The following GRM5 variants were observed in gnomAD, a reference collection of about 807,000 sequenced individuals.
GRM5 encodes the protein metabotropic glutamate receptor 5.
Under a neutral mutation model 83.1 loss-of-function variants are expected in GRM5, and 19 were observed. The ratio of observed to expected loss-of-function variants is 0.23; its 90% confidence interval spans 0.16 to 0.34. GRM5 has a LOEUF of 0.34. Among genes scored for constraint, GRM5 ranks in the 10% least tolerant of loss-of-function variants. GRM5 has a pLI of 1.00. For missense variants in GRM5, 1,160 were observed against 1,588.3 expected (o/e 0.73, Z 4.58); for synonymous variants, 675 against 633.6 (o/e 1.07, Z -0.98).
intron 2 of GRM5, among the ~76,000 whole-genome samples, chr11:88,915,551 C>T (rs895208839): frequency 2.7e-5 from 4 of 147,156 alleles, no homozygotes; most frequent in Admixed American, 1.4e-4. Context: ...AATTTTCTTG[C>T]AAAGGTCATA....
chr11:88,764,593 TC>T (rs1324330061), intron 3 of GRM5, among the ~76,000 whole-genome samples: 8 of 104,858 alleles, frequency 7.6e-5, no homozygotes, highest in Non-Finnish European at 1.5e-4. Flanking sequence ...AAATAACCAT[TC>T]TTAGACAATA....
At chr11:88,623,995 A>G (rs963117802) in intron 4 of GRM5, among the ~76,000 whole-genome samples, 1 of 152,192 alleles carries the variant, frequency 6.6e-6, no homozygotes, top group African/African-American at 2.4e-5. Flanking sequence ...TGGAAAAGCA[A>G]CCTACAGTCA....
chr11:88,577,011 C>G (rs1943125583), intron 7 of GRM5, among the ~76,000 whole-genome samples: 1 of 152,088 alleles, frequency 6.6e-6, no homozygotes, highest in Non-Finnish European at 1.5e-5. Flanking sequence ...GGTCATCCAT[C>G]CAAATGTTCA....
At chr11:88,924,502 C>T (rs1045994493) in intron 2 of GRM5, among the ~76,000 whole-genome samples, 1 of 151,934 alleles carries the variant, frequency 6.6e-6, no homozygotes, top group African/African-American at 2.4e-5. Context: ...CCATTTGCAA[C>T]AATATAATGA....
chr11:88,534,700 G>A (rs1591329761), intron 8 of GRM5, among the ~76,000 whole-genome samples: 1 of 152,158 alleles, frequency 6.6e-6, no homozygotes, highest in African/African-American at 2.4e-5. Context: ...GGCATGATTG[G>A]TTTTGAAATG....
chr11:88,928,341 G>A (rs1206084317), intron 2 of GRM5, among the ~76,000 whole-genome samples: 3 of 151,988 alleles, frequency 2.0e-5, no homozygotes, highest in Non-Finnish European at 4.4e-5. Context: ...ACTTCACTGT[G>A]GTTCCACACT....
chr11:88,708,428 T>C (rs1244006359), intron 3 of GRM5, among the ~76,000 whole-genome samples: 2 of 152,056 alleles, frequency 1.3e-5, no homozygotes, highest in Non-Finnish European at 2.9e-5. Context: ...TTGAGAGGAA[T>C]AGGAAAGAAG....
Position 89,047,070 on chromosome 11 carries a change from C to G in GRM5, c.661+142G>C. The G allele has an allele frequency of 3.1e-6, 2 of 637,432 alleles. No individual in the cohort carries two copies. Among genetic ancestry groups the G allele is most frequent in the East Asian group, 5.4e-5 (2 of 36,838 alleles). 39.5% of individuals were successfully genotyped at this position (637,432 alleles called of 1,614,324 possible). On this transcript the variant is annotated intron_variant, in intron 2 of 9. Coordinates refer to ENST00000305447, the MANE Select transcript of GRM5 (RefSeq NM_001143831.3). The surrounding 1 kb of genome is among the most constrained non-coding windows in gnomAD (Gnocchi z 5.1). ...TTTGTCTCTCTAGATATATGCCATC[C>G]AGTCTGTTCTTATAGTACTGGTATA...
At chr11:88,798,529 C>T (rs779520566) in intron 3 of GRM5, among the ~76,000 whole-genome samples, 5 of 151,958 alleles carry the variant, frequency 3.3e-5, no homozygotes, top group Admixed American at 6.6e-5. Context: ...TGTGGGGCAG[C>T]GATCAAGGCA....
At chr11:88,715,277 ACTTTT>A (rs1411842686) in intron 3 of GRM5, among the ~76,000 whole-genome samples, 1 of 151,988 alleles carries the variant, frequency 6.6e-6, no homozygotes, top group Non-Finnish European at 1.5e-5. Flanking sequence ...AAAGTTAAGT[ACTTTT>A]CTTAGGAACG....
intron 2 of GRM5, among the ~76,000 whole-genome samples, chr11:88,987,155 C>A (rs1314881106): frequency 6.6e-6 from 1 of 152,010 alleles, no homozygotes; most frequent in Non-Finnish European, 1.5e-5. Context: ...GGTGCGCGCA[C>A]CGTGCACAAG....
intron 2 of GRM5, among the ~76,000 whole-genome samples, chr11:88,858,104 C>T (rs1251326168): frequency 6.6e-6 from 1 of 151,982 alleles, no homozygotes; most frequent in Admixed American, 6.6e-5. Context: ...ACCCATATAC[C>T]ACAGCATTAA....
chr11:88,529,606 T>C (rs1283824888), intron 8 of GRM5, among the ~76,000 whole-genome samples: 7 of 152,106 alleles, frequency 4.6e-5, no homozygotes, highest in Admixed American at 1.3e-4. Flanking sequence ...GGAATCCTTA[T>C]GCTACATAAA....
intron 2 of GRM5, among the ~76,000 whole-genome samples, chr11:88,902,807 C>T (rs1158397417): frequency 6.6e-6 from 1 of 151,742 alleles, no homozygotes; most frequent in Non-Finnish European, 1.5e-5. Flanking sequence ...AAAAATTAGC[C>T]AGGCATGGTG....
At chr11:88,835,415 T>G (rs1344702799) in intron 3 of GRM5, among the ~76,000 whole-genome samples, 1 of 152,270 alleles carries the variant, frequency 6.6e-6, no homozygotes, top group Non-Finnish European at 1.5e-5. Context: ...CAGCATAAAT[T>G]AACCCATTGG....
At chr11:88,991,110 A>T (rs1283175461) in intron 2 of GRM5, among the ~76,000 whole-genome samples, 1 of 152,172 alleles carries the variant, frequency 6.6e-6, no homozygotes, top group Non-Finnish European at 1.5e-5. Flanking sequence ...GTATCTAGAC[A>T]ACCCCATTGT....
chr11:88,884,980 GAAT>G (rs1452682785), intron 2 of GRM5, among the ~76,000 whole-genome samples: 1 of 151,942 alleles, frequency 6.6e-6, no homozygotes, highest in Non-Finnish European at 1.5e-5. Flanking sequence ...CCTTAAAATT[GAAT>G]AATATTTCCA....
chr11:88,578,479 T>A (rs1943158307), intron 7 of GRM5, among the ~76,000 whole-genome samples: 1 of 152,158 alleles, frequency 6.6e-6, no homozygotes, highest in South Asian at 2.1e-4. Context: ...ATGCCATTGT[T>A]TTGGTCAGAC....
chr11:88,584,594 C>A (rs1239441944), intron 7 of GRM5, among the ~76,000 whole-genome samples: 1 of 152,076 alleles, frequency 6.6e-6, no homozygotes, highest in Non-Finnish European at 1.5e-5. Flanking sequence ...AGGCATGCAC[C>A]ACCGTGGCTG....
Sources: gnomAD v4.1 joint callset for allele counts (sites outside exome capture counted in the v4.1 genomes callset) on GRCh38, gnomAD v4.1.1 for gene constraint, Gnocchi (gnomAD v3.1) non-coding constraint, MANE v1.5 for transcripts, NCBI Gene and HGNC (gene_info 2026-07-23, HGNC 2026-07-21) for gene names.